Variants in IFIT1 observed in about 807,000 individuals in gnomAD.
IFIT1 encodes interferon induced protein with tetratricopeptide repeats 1, also known as antiviral innate immune response effector IFIT1.
IFIT1 carries 1 observed loss-of-function variant against 2.5 expected under a neutral mutation model. The ratio of observed to expected loss-of-function variants is 0.40; its 90% CI spans 0.14 to 1.92. The LOEUF is 1.92. IFIT1 is among the 40% of genes most tolerant of loss of function. The probability of loss-of-function intolerance (pLI) is 0.31; values close to 1 mark genes in which losing one functional copy is unlikely to be tolerated. For missense variants in IFIT1, 508 were observed against 557.8 expected (o/e 0.91, Z 0.90); for synonymous variants, 191 against 201.7 (o/e 0.95, Z 0.45).
Position 89,403,186 on chromosome 10 carries a change from A to G in IFIT1, c.911A>G (p.Glu304Gly). Residue 304 changes from glutamate (E) to glycine (G), a missense_variant, in exon 2 of 2, where the codon GAG (glutamate) becomes GGG (glycine). Coordinates refer to ENST00000371804, the MANE Select transcript of IFIT1 (RefSeq NM_001548.5). ...CYKAQMIQIKEATKGQPRGQN... is the reference protein window; with the variant it reads ...CYKAQMIQIKGATKGQPRGQN... ...AAGGCACAAATGATCCAAATCAAGG[A>G]GGCTACAAAAGGGCAGCCTAGAGGG... 1 of 1,614,074 alleles carries G rather than the reference A, an allele frequency of 6.2e-7. No individual in the cohort carries two copies. Among genetic ancestry groups the G allele is most frequent in the South Asian group, 1.1e-5 (1 of 91,074 alleles).
At chr10:89,392,967 G>T (rs1224188068) in intron 1 of IFIT1, 30 of 668,620 alleles carry the variant, frequency 4.5e-5, no homozygotes, top group Admixed American at 1.2e-4. Flanking sequence ...CCCAAAGAAG[G>T]GGAGGGAAAT....
Position 89,403,157 on chromosome 10 carries a change from C to T in IFIT1, c.882C>T (p.Cys294=). Residue 294 remains cysteine, a synonymous_variant, in exon 2 of 2, where the codon TGC becomes TGT. Transcript: ENST00000371804. ...SVLLHHQIGL[C]YKAQMIQIKE... ...TACTGCATCACCAGATAGGGCTTTG[C>T]TACAAGGCACAAATGATCCAAATCA... 1 of 1,613,892 alleles carries T rather than the reference C, an allele frequency of 6.2e-7. No homozygotes were observed. The highest frequency in any genetic ancestry group is 8.5e-7 in the Non-Finnish European group (1 of 1,179,890).
intron 1 of IFIT1, among the ~76,000 whole-genome samples, chr10:89,394,309 T>C (rs1844301328): frequency 6.6e-6 from 1 of 152,172 alleles, no homozygotes; most frequent in Non-Finnish European, 1.5e-5. Flanking sequence ...CTTTGTGGAC[T>C]AAAATATCAT....
intron 1 of IFIT1, among the ~76,000 whole-genome samples, chr10:89,400,096 GT>G (rs1281527185): frequency 6.6e-6 from 1 of 152,114 alleles, no homozygotes; most frequent in African/African-American, 2.4e-5. Flanking sequence ...ATAAGTAAGG[GT>G]TTTTTTCAGG....
chr10:89,398,484 A>G (rs1275489350), intron 1 of IFIT1, among the ~76,000 whole-genome samples: 1 of 152,200 alleles, frequency 6.6e-6, no homozygotes, highest in African/African-American at 2.4e-5. Context: ...CTTACATTGC[A>G]TACCTGTGTC....
chr10:89,403,259 T>A lies in IFIT1; in HGVS notation c.984T>A (p.His328Gln). The change falls in exon 2 of 2, where the codon CAT (histidine) becomes CAA (glutamine). Residue 328 changes from histidine to glutamine, a missense_variant. His to Gln is a conservative substitution (Grantham distance 24, BLOSUM62 0). Transcript: ENST00000371804. ...AAATGATAAGATCAGCCATATTTCA[T>A]TTTGAATCTGCAGTGGAAAAAAAGC... Reference protein sequence around the residue: ...LDKMIRSAIFHFESAVEKKPT... With the variant: ...LDKMIRSAIFQFESAVEKKPT... 6.2e-7 allele frequency: 1 copy of A among 1,614,196 alleles called. No homozygotes were observed. Among genetic ancestry groups the A allele is most frequent in the Non-Finnish European group, 8.5e-7 (1 of 1,180,044 alleles).
chr10:89,393,103 G>A lies in IFIT1; in HGVS notation c.5+386G>A. 13 of 1,293,226 alleles carry A rather than the reference G, an allele frequency of 1.0e-5. No individual in the cohort carries two copies. In the South Asian group the frequency reaches 1.6e-4, roughly 16 times the overall value. 80.1% of individuals were successfully genotyped at this position (1,293,226 alleles called of 1,614,324 possible). ...TGTCTGAGTAGAGGCATTGCTTTCT[G>A]CAGGTTCTTTACCACAGAGAAAAAG... On this transcript the variant is annotated intron_variant, in intron 1 of 1. Transcript: ENST00000371804.
rs1473954140 is a variant in IFIT1, at chr10:89,404,544, T to A, written c.*832T>A. On this transcript the variant is annotated 3_prime_UTR_variant, in exon 2 of 2. Transcript: ENST00000371804. The stretch of plus-strand genomic sequence containing the variant: ...CCTCATGAATATTCATAGCCCCCCA[T>A]AACCTGTTAACTATGTGTGTCTAGC... 6.6e-6 allele frequency: 1 copy of A among 152,232 alleles called. No individual in the cohort carries two copies. The highest frequency in any genetic ancestry group is 2.1e-4 in the South Asian group (1 of 4,836). The allele number at this position is 152,232 out of a possible 1,614,324, so 9.4% of individuals were successfully genotyped here.
Position 89,399,677 on chromosome 10 carries a change from A to G in IFIT1, c.6-2604A>G, listed in dbSNP as rs556123292. On this transcript the variant is annotated intron_variant, in intron 1 of 1. Coordinates refer to ENST00000371804, the MANE Select transcript of IFIT1 (RefSeq NM_001548.5). ...CATTCTTATTGAAAATCATTCCACC[A>G]TTGTTATGGAATGAATTGTGCACTT... 1.2e-4 allele frequency among the ~76,000 whole-genome samples: 18 copies of G among 152,214 alleles called. 1 individual carries two copies. Among genetic ancestry groups the G allele is most frequent in the African/African-American group, 4.3e-4 (18 of 41,524 alleles).
In IFIT1 at chr10:89,404,446, TAA is replaced by T. The variant is rs1341208818; in HGVS notation, c.*735_*736del. On this transcript the variant is annotated 3_prime_UTR_variant, in exon 2 of 2. Coordinates refer to ENST00000371804, the MANE Select transcript of IFIT1 (RefSeq NM_001548.5). The stretch of plus-strand genomic sequence containing the variant: ...GGCTAATTTTGCTGTATTTTAATGT[TAA>T]GTCTCCACCACAGAGTGAACACAGA... The T allele has an allele frequency of 6.6e-6, 1 of 152,260 alleles. No individual in the cohort carries two copies. The highest frequency in any genetic ancestry group is 1.5e-5 in the Non-Finnish European group (1 of 68,058). 9.4% of individuals were successfully genotyped at this position (152,260 alleles called of 1,614,324 possible).
chr10:89,403,522 A>C lies in IFIT1; in HGVS notation c.1247A>C (p.Asp416Ala). ...IKIEQASLTR[D>A]KSINSLKKLV... ...ATAGAACAGGCATCATTAACAAGGG[A>C]TAAAAGTATCAATTCTTTGAAGAAA... Residue 416 changes from aspartate to alanine, a missense_variant, in exon 2 of 2, where the codon GAT (aspartate) becomes GCT (alanine). Coordinates refer to ENST00000371804, the MANE Select transcript of IFIT1 (RefSeq NM_001548.5). 1 of 1,613,854 alleles carries C rather than the reference A, an allele frequency of 6.2e-7. No individual in the cohort carries two copies. The highest frequency in any genetic ancestry group is 2.2e-5 in the East Asian group (1 of 44,882).
Position 89,405,392 on chromosome 10 carries a change from A to C in IFIT1, c.*1680A>C, listed in dbSNP as rs1354214589. The C allele has an allele frequency of 1.3e-5, 2 of 152,264 alleles. No individual in the cohort carries two copies. The highest frequency in any genetic ancestry group is 6.5e-5 in the Admixed American group (1 of 15,288). The allele number at this position is 152,264 out of a possible 1,614,324, so 9.4% of individuals were successfully genotyped here. ...CACAACAAATAATAAGAAGGAAAAA[A>C]TAAATAAGCAATGTTATTGATCTTT... On this transcript the variant is annotated 3_prime_UTR_variant, in exon 2 of 2. Transcript: ENST00000371804.
rs1844503157 is a variant in IFIT1 at position 89,404,814 on chromosome 10, G to A, written c.*1102G>A. On this transcript the variant is annotated 3_prime_UTR_variant, in exon 2 of 2. Coordinates refer to ENST00000371804, the MANE Select transcript of IFIT1 (RefSeq NM_001548.5). ...TACAAAAAATGCAAAAACTTAGCTG[G>A]GTGTGGTGGCATGCACCTGTAGCTT... is the stretch of plus-strand genomic sequence containing the variant. The A allele has an allele frequency of 6.6e-6, 1 of 152,220 alleles. No individual in the cohort carries two copies. Among genetic ancestry groups the A allele is most frequent in the Admixed American group, 6.5e-5 (1 of 15,282 alleles). 9.4% of individuals were successfully genotyped at this position (152,220 alleles called of 1,614,324 possible).
intron 1 of IFIT1, among the ~76,000 whole-genome samples, chr10:89,395,978 CAGTT>C (rs931693848): frequency 3.2e-4 from 49 of 152,084 alleles, no homozygotes; most frequent in African/African-American, 1.2e-3. Context: ...TTTTATCTAT[CAGTT>C]GGTGAACATT....
rs1844518235 is a variant in IFIT1, at chr10:89,405,680, G to A, written c.*1968G>A. 2 of 152,194 alleles carry A rather than the reference G, an allele frequency of 1.3e-5. No individual in the cohort carries two copies. The highest frequency in any genetic ancestry group is 4.8e-5 in the African/African-American group (2 of 41,436). The allele number at this position is 152,194 out of a possible 1,614,324, so 9.4% of individuals were successfully genotyped here. ...CATCTTAAAAACCAACAGTGTAGTA[G>A]CCTCAAATCTCTCTCTCTGCTTCCT... On this transcript the variant is annotated 3_prime_UTR_variant, in exon 2 of 2. Coordinates refer to ENST00000371804, the MANE Select transcript of IFIT1 (RefSeq NM_001548.5).
In IFIT1 at chr10:89,403,261, T is replaced by C. The variant is rs1336173794; in HGVS notation, c.986T>C (p.Phe329Ser). The change falls in exon 2 of 2, where the codon TTT becomes TCT. Residue 329 changes from phenylalanine to serine, a missense_variant. Coordinates refer to ENST00000371804, the MANE Select transcript of IFIT1 (RefSeq NM_001548.5). ...ATGATAAGATCAGCCATATTTCATT[T>C]TGAATCTGCAGTGGAAAAAAAGCCC... is the stretch of plus-strand genomic sequence containing the variant. ...DKMIRSAIFH[F>S]ESAVEKKPTF... The C allele has an allele frequency of 2.5e-6, 4 of 1,614,194 alleles. No individual in the cohort carries two copies. Among genetic ancestry groups the C allele is most frequent in the Non-Finnish European group, 3.4e-6 (4 of 1,180,058 alleles).
chr10:89,402,271 GTT>G lies in IFIT1; in HGVS notation c.6-6_6-5del. On this transcript the variant is annotated splice_polypyrimidine_tract_variant and splice_region_variant and intron_variant, in intron 1 of 1. Transcript: ENST00000371804. ...CACCTAACAAAGAAAATCTGTTTTT[GTT>G]TTTACAGTACAAATGGTGATGATCA... 1 of 1,558,548 alleles carries G rather than the reference GTT, an allele frequency of 6.4e-7. No homozygotes were observed. The highest frequency in any genetic ancestry group is 8.7e-7 in the Non-Finnish European group (1 of 1,149,808).
At chr10:89,393,168 T>C in intron 1 of IFIT1, 2 of 1,290,618 alleles carry the variant, frequency 1.5e-6, no homozygotes, top group Non-Finnish European at 2.0e-6. Flanking sequence ...TCTTGCAGCC[T>C]CTCTGATGTC....
At chr10:89,398,386 C>T (rs1844375456) in intron 1 of IFIT1, among the ~76,000 whole-genome samples, 1 of 152,174 alleles carries the variant, frequency 6.6e-6, no homozygotes. Context: ...AGGTTTTCGG[C>T]ATTGTGCCTG....
Sources: gnomAD v4.1 joint callset for allele counts (sites outside exome capture counted in the v4.1 genomes callset) on GRCh38, gnomAD v4.1.1 for gene constraint, MANE v1.5 for transcripts, NCBI Gene and HGNC (gene_info 2026-07-23, HGNC 2026-07-21) for gene names.